The following TRABD2B variants were observed in gnomAD, a reference collection of about 807,000 sequenced individuals.
TRABD2B encodes metalloprotease TIKI2.
Under a neutral mutation model 40.1 loss-of-function variants are expected in TRABD2B, and 14 were observed. The observed-to-expected ratio is 0.35, with a 90% CI of 0.23 to 0.55. The LOEUF (loss-of-function observed/expected upper bound fraction) is 0.55, where lower values mean the gene tolerates loss of function less well. Ranked by LOEUF, TRABD2B falls within the 20% of genes least tolerant of loss-of-function variation. TRABD2B has a pLI of 0.90. For missense variants in TRABD2B, 541 were observed against 648.6 expected, an observed-to-expected ratio of 0.83 and a Z score of 1.80; for synonymous variants, 263 against 277.0, an observed-to-expected ratio of 0.95 and a Z score of 0.50.
intron 2 of TRABD2B, among the ~76,000 whole-genome samples, chr1:47,878,755 A>T (rs1370025968): frequency 6.6e-6 from 1 of 152,198 alleles, no homozygotes; most frequent in Non-Finnish European, 1.5e-5. Flanking sequence ...GTAAGTTCAG[A>T]GTTTTTATTA....
chr1:47,935,566 C>G (rs72898173), intron 2 of TRABD2B, among the ~76,000 whole-genome samples: 3,238 of 152,306 alleles, frequency 0.021, 56 homozygotes, highest in South Asian at 0.063. Context: ...TCACTTATTA[C>G]TGCCCTACTG....
At chr1:47,842,162 T>A (rs1008476210) in intron 2 of TRABD2B, among the ~76,000 whole-genome samples, 1 of 152,196 alleles carries the variant, frequency 6.6e-6, no homozygotes, top group African/African-American at 2.4e-5. Flanking sequence ...CCGGGCACAA[T>A]GTAGCTCTTT....
chr1:47,994,713 G>C lies in TRABD2B; in HGVS notation c.103-116C>G. On this transcript the variant is annotated intron_variant, in intron 1 of 6. Coordinates refer to ENST00000606738, the MANE Select transcript of TRABD2B (RefSeq NM_001194986.2). This position sits in a 1 kb window ranked among gnomAD's most constrained non-coding sequence, Gnocchi z 6.7. ...GGATGGGAGGCAGAGACCATACACA[G>C]GCCGTGGTAAAGAGCCAGGTCTTTG... is the stretch of plus-strand genomic sequence containing the variant. 3 of 932,674 alleles carry C rather than the reference G, an allele frequency of 3.2e-6. No individual in the cohort carries two copies. The highest frequency in any genetic ancestry group is 1.7e-5 in the South Asian group (1 of 57,536). 57.8% of individuals were successfully genotyped at this position (932,674 alleles called of 1,614,324 possible).
At chr1:47,811,792 G>A (rs1366580449) in intron 2 of TRABD2B, among the ~76,000 whole-genome samples, 1 of 152,224 alleles carries the variant, frequency 6.6e-6, no homozygotes, top group Non-Finnish European at 1.5e-5. Context: ...CAGACCAGCT[G>A]TGAGACCCAC....
At chr1:47,953,174 G>A (rs1003785822) in intron 2 of TRABD2B, among the ~76,000 whole-genome samples, 7 of 152,188 alleles carry the variant, frequency 4.6e-5, no homozygotes, top group South Asian at 2.1e-4. Flanking sequence ...AAAATGGGCC[G>A]AGAGCACCAG....
rs112996047 is a variant in TRABD2B at position 47,830,055 on chromosome 1, C to G, written c.667-28436G>C. 6.4e-3 allele frequency among the ~76,000 whole-genome samples: 970 copies of G among 152,176 alleles called. 14 individuals are homozygous for G. The highest frequency in any genetic ancestry group is 0.022 in the African/African-American group (900 of 41,488). On this transcript the variant is annotated intron_variant, in intron 2 of 6. Coordinates refer to ENST00000606738, the MANE Select transcript of TRABD2B (RefSeq NM_001194986.2). ...TTCCATCCGTCCTTAGAATTCCCAG[C>G]TAAGTATTATTCTTGAGACCCTTTC...
At chr1:47,840,215 G>A (rs761316124) in intron 2 of TRABD2B, among the ~76,000 whole-genome samples, 5 of 152,166 alleles carry the variant, frequency 3.3e-5, no homozygotes, top group Non-Finnish European at 7.3e-5. Context: ...CTCCAGGGCC[G>A]TCCTTTCCTC....
At chr1:47,970,060 C>G (rs1247752488) in intron 2 of TRABD2B, among the ~76,000 whole-genome samples, 2 of 152,140 alleles carry the variant, frequency 1.3e-5, no homozygotes. Context: ...CAAGCACTTA[C>G]TCATTTTAAG....
intron 2 of TRABD2B, among the ~76,000 whole-genome samples, chr1:47,904,927 C>T (rs1009251301): frequency 6.6e-6 from 1 of 152,170 alleles, no homozygotes; most frequent in Non-Finnish European, 1.5e-5. Flanking sequence ...CAGTATGCCT[C>T]CCTAAAAATT....
chr1:47,763,523 T>G lies in TRABD2B; in HGVS notation c.*2379A>C, dbSNP rs1445902400. The G allele has an allele frequency of 6.6e-6, 1 of 152,170 alleles. No individual in the cohort carries two copies. The highest frequency in any genetic ancestry group is 1.5e-5 in the Non-Finnish European group (1 of 68,034). The allele number at this position is 152,170 out of a possible 1,614,324, so 9.4% of individuals were successfully genotyped here. Reference sequence around the variant, plus strand: ...TGCTTGTCCCATCTTGATAATGAGTTCCTCTGGGCCAAGGAGAGTGGTTAG... The same window carrying G: ...TGCTTGTCCCATCTTGATAATGAGTGCCTCTGGGCCAAGGAGAGTGGTTAG... On this transcript the variant is annotated 3_prime_UTR_variant, in exon 7 of 7. Coordinates refer to ENST00000606738, the MANE Select transcript of TRABD2B (RefSeq NM_001194986.2).
At chr1:47,792,703 T>A (rs1177300846) in intron 4 of TRABD2B, among the ~76,000 whole-genome samples, 5 of 152,162 alleles carry the variant, frequency 3.3e-5, no homozygotes, top group African/African-American at 4.8e-5. Context: ...TTCTGCTTTC[T>A]TGCTCACAGA....
At chr1:47,880,971 C>G (rs369875467) in intron 2 of TRABD2B, among the ~76,000 whole-genome samples, 2 of 152,128 alleles carry the variant, frequency 1.3e-5, no homozygotes, top group African/African-American at 4.8e-5. Context: ...CGGAGAGAGA[C>G]GAGAGCACCC....
chr1:47,790,617 G>C (rs1156944797), intron 4 of TRABD2B, among the ~76,000 whole-genome samples: 1 of 152,184 alleles, frequency 6.6e-6, no homozygotes, highest in Non-Finnish European at 1.5e-5. Context: ...ATACAGCAAG[G>C]GCACCACGTG....
At chr1:47,782,039 C>CAGAT (rs1644531324) in intron 4 of TRABD2B, among the ~76,000 whole-genome samples, 1 of 152,200 alleles carries the variant, frequency 6.6e-6, no homozygotes, top group South Asian at 2.1e-4. Flanking sequence ...CACCCACAGA[C>CAGAT]AGATCATCCA....
intron 2 of TRABD2B, among the ~76,000 whole-genome samples, chr1:47,956,148 T>G (rs1645418218): frequency 6.6e-6 from 1 of 152,130 alleles, no homozygotes; most frequent in African/African-American, 2.4e-5. Context: ...ATTTTGCCTA[T>G]GATCTCCTGC....
chr1:47,868,042 C>T (rs746518051), intron 2 of TRABD2B, among the ~76,000 whole-genome samples: 2 of 152,158 alleles, frequency 1.3e-5, no homozygotes, highest in African/African-American at 2.4e-5. Flanking sequence ...GAAAAAACAC[C>T]GTCTCCTTGT....
intron 2 of TRABD2B, among the ~76,000 whole-genome samples, chr1:47,869,828 G>A (rs1026768801): frequency 1.3e-5 from 2 of 152,182 alleles, no homozygotes; most frequent in African/African-American, 4.8e-5. Context: ...CAAAAGCAAA[G>A]AACATTTGGA....
intron 2 of TRABD2B, among the ~76,000 whole-genome samples, chr1:47,866,337 T>C (rs753665691): frequency 1.7e-4 from 26 of 151,924 alleles, no homozygotes; most frequent in Non-Finnish European, 2.9e-4. Context: ...AAAAAGCAAA[T>C]TTCTGTATTA....
At chr1:47,988,059 C>T (rs1645946759) in intron 2 of TRABD2B, among the ~76,000 whole-genome samples, 1 of 152,088 alleles carries the variant, frequency 6.6e-6, no homozygotes, top group South Asian at 2.1e-4. Context: ...AAGGAGCGCA[C>T]ATAGATCTGA....
Sources: allele counts gnomAD v4.1 joint callset (sites outside exome capture counted in the v4.1 genomes callset), GRCh38; gene constraint gnomAD v4.1.1; non-coding constraint Gnocchi (gnomAD v3.1); transcripts MANE v1.5; gene names NCBI Gene and HGNC (gene_info 2026-07-23, HGNC 2026-07-21).